COG7: variants seen among roughly 807,000 people sequenced by gnomAD.
The protein encoded by COG7 is component of oligomeric golgi complex 7.
COG7 carries 49 observed loss-of-function variants against 91.5 expected under a neutral mutation model. That is an observed-to-expected ratio of 0.54 (90% confidence interval 0.43 to 0.68). The LOEUF is 0.68. Ranked by LOEUF, COG7 falls within the 30% of genes least tolerant of loss-of-function variation. The pLI, the probability that COG7 is intolerant of heterozygous loss-of-function variation, is 0.00. For missense variants in COG7, 895 were observed against 961.3 expected (o/e 0.93, Z 0.91); for synonymous variants, 365 against 388.7 (o/e 0.94, Z 0.72).
intron 1 of COG7, among the ~76,000 whole-genome samples, chr16:23,450,938 A>T (rs532630176): frequency 9.8e-5 from 15 of 152,322 alleles, no homozygotes; most frequent in Non-Finnish European, 2.9e-5. Context: ...TCATGCCTGT[A>T]ATCCCAGCAC....
chr16:23,408,723 C>T (rs976863523), intron 11 of COG7, among the ~76,000 whole-genome samples: 10 of 151,938 alleles, frequency 6.6e-5, no homozygotes, highest in African/African-American at 2.4e-4. Flanking sequence ...GTGCCACAGG[C>T]ATACAGTAGA....
intron 1 of COG7, among the ~76,000 whole-genome samples, chr16:23,448,379 C>A (rs1964214753): frequency 6.6e-6 from 1 of 152,144 alleles, no homozygotes; most frequent in Non-Finnish European, 1.5e-5. Flanking sequence ...GTGGTGCAAT[C>A]CTAGCTCACT....
At chr16:23,418,340 A>C (rs1963690236) in intron 8 of COG7, among the ~76,000 whole-genome samples, 1 of 152,098 alleles carries the variant, frequency 6.6e-6, no homozygotes, top group Non-Finnish European at 1.5e-5. Flanking sequence ...CTGTCTCTAC[A>C]AAAAATACAC....
At chr16:23,413,035 G>A in intron 10 of COG7, 1 of 204,158 alleles carries the variant, frequency 4.9e-6, no homozygotes, top group Non-Finnish European at 9.9e-6. Context: ...AGCGTTGCCT[G>A]GAACCATTTA....
chr16:23,393,286 G>A lies in COG7; in HGVS notation c.1949C>T (p.Ser650Phe). Residue 650 changes from serine to phenylalanine, a missense_variant, in exon 15 of 17, where the codon TCT becomes TTT. Coordinates refer to ENST00000307149, the MANE Select transcript of COG7 (RefSeq NM_153603.4). ...NLEPFVTQED[S>F]ALELALHAGK... is the part of the protein sequence containing the mutation. ...AGCGTGCAATGCCAACTCTAAGGCA[G>A]AGTCCTCCTGAGTCACAAATGGCTC... The A allele has an allele frequency of 6.2e-7, 1 of 1,614,180 alleles. No homozygotes were observed. Among genetic ancestry groups the A allele is most frequent in the Non-Finnish European group, 8.5e-7 (1 of 1,180,036 alleles).
chr16:23,438,166 A>G (rs2142090865), intron 4 of COG7, among the ~76,000 whole-genome samples: 1 of 152,320 alleles, frequency 6.6e-6, no homozygotes, highest in East Asian at 1.9e-4. Context: ...ATGGAATGGG[A>G]GAAAATATTT....
intron 1 of COG7, among the ~76,000 whole-genome samples, chr16:23,447,898 CA>C (rs1473348886): frequency 6.6e-6 from 1 of 151,782 alleles, no homozygotes; most frequent in African/African-American, 2.4e-5. Context: ...GACTCCATCT[CA>C]AAAATAAATA....
At chr16:23,433,789 G>T in intron 5 of COG7, 122 bp from the exon 6 acceptor site, 2 of 1,061,118 alleles carry the variant, frequency 1.9e-6, no homozygotes, top group Non-Finnish European at 1.4e-6. Context: ...GGGCAGCCCA[G>T]TGAGGTCCAT....
chr16:23,389,203 A>G lies in COG7; in HGVS notation c.2147-117T>C, dbSNP rs533420224. 4 of 1,265,484 alleles carry G rather than the reference A, an allele frequency of 3.2e-6. No homozygotes were observed. The Admixed American group carries it at 8.0e-5, about 25-fold the overall frequency. 78.4% of individuals were successfully genotyped at this position (1,265,484 alleles called of 1,614,324 possible). On this transcript the variant is annotated intron_variant, in intron 16 of 16. Coordinates refer to ENST00000307149, the MANE Select transcript of COG7 (RefSeq NM_153603.4). ...AGAAGCTGCCCTGCCAAGTCCCTAG[A>G]TGTGGGGCGCCAACCCTGCCCTCAA...
rs748889650 is a variant in COG7, at chr16:23,445,181, G to C, written c.319-17C>G. ...TACCAACACCTGAAAGAGGCGTGAG[G>C]GGTGAAAAATGAAGGGGTAGGTCCT... On this transcript the variant is annotated splice_polypyrimidine_tract_variant and intron_variant, in intron 2 of 16. Transcript: ENST00000307149. 3 of 1,578,832 alleles carry C rather than the reference G, an allele frequency of 1.9e-6. No individual in the cohort carries two copies. The African/African-American group carries it at 4.0e-5, about 21-fold the overall frequency.
At chr16:23,447,371 C>A (rs545247578) in intron 1 of COG7, 28 of 151,534 alleles carry the variant, frequency 1.8e-4, no homozygotes, top group Admixed American at 5.9e-4. Context: ...CCACCATGCC[C>A]GGCTAATTTT....
chr16:23,394,837 C>T (rs1265222021), intron 14 of COG7: 3 of 150,426 alleles, frequency 2.0e-5, no homozygotes, highest in Non-Finnish European at 2.9e-5. Context: ...CAGAGTTTTG[C>T]TCTTGTTGCC....
intron 14 of COG7, among the ~76,000 whole-genome samples, chr16:23,396,975 T>A (rs548280251): frequency 3.4e-4 from 52 of 152,178 alleles, no homozygotes; most frequent in African/African-American, 1.2e-3. Flanking sequence ...AGTGGTGCAA[T>A]CACAGCTCAC....
intron 14 of COG7, among the ~76,000 whole-genome samples, chr16:23,396,963 G>A (rs1016848559): frequency 8.5e-5 from 13 of 152,220 alleles, no homozygotes; most frequent in African/African-American, 2.9e-4. Context: ...AGGCAGGAGT[G>A]CAGTGGTGCA....
intron 4 of COG7, among the ~76,000 whole-genome samples, chr16:23,438,028 C>T (rs893598716): frequency 4.1e-5 from 6 of 146,798 alleles, no homozygotes; most frequent in Non-Finnish European, 8.9e-5. Flanking sequence ...GAGGTTGCAG[C>T]GAGCCGAGAT....
intron 4 of COG7, among the ~76,000 whole-genome samples, chr16:23,436,006 G>A (rs1234209831): frequency 6.6e-6 from 1 of 152,162 alleles, no homozygotes; most frequent in Non-Finnish European, 1.5e-5. Flanking sequence ...GGAGGCTGAG[G>A]TGGGAGGACT....
Position 23,431,719 on chromosome 16 carries a change from G to A in COG7, c.810+1826C>T, listed in dbSNP as rs573794973. On this transcript the variant is annotated intron_variant, in intron 6 of 16. Coordinates refer to ENST00000307149, the MANE Select transcript of COG7 (RefSeq NM_153603.4). ...AGCTACTCAGGAGGCTGAGGCAGGAGAATTGCTTGAACCAGAGAGGCGGAG... is the reference window on the plus strand; with the variant it reads ...AGCTACTCAGGAGGCTGAGGCAGGAAAATTGCTTGAACCAGAGAGGCGGAG... Among the ~76,000 whole-genome samples the A allele has an allele frequency of 2.0e-5, 3 of 150,512 alleles. No individual in the cohort carries two copies. The South Asian group carries it at 6.3e-4, about 32-fold the overall frequency.
chr16:23,451,200 A>C (rs1306556089), intron 1 of COG7, among the ~76,000 whole-genome samples: 2 of 152,150 alleles, frequency 1.3e-5, no homozygotes, highest in African/African-American at 4.8e-5. Flanking sequence ...CTCAAAAAAA[A>C]CAAAAAAACA....
chr16:23,419,283 T>A (rs1202408152), intron 7 of COG7, among the ~76,000 whole-genome samples: 1 of 151,976 alleles, frequency 6.6e-6, no homozygotes, highest in Non-Finnish European at 1.5e-5. Context: ...TGGTGGCACA[T>A]GCCTGTAATC....
Sources: gnomAD v4.1 joint callset for allele counts (sites outside exome capture counted in the v4.1 genomes callset) on GRCh38, gnomAD v4.1.1 for gene constraint, MANE v1.5 for transcripts, NCBI Gene and HGNC (gene_info 2026-07-23, HGNC 2026-07-21) for gene names.